The following SEMA6D variants were observed in gnomAD, a reference collection of about 807,000 sequenced individuals.
SEMA6D encodes semaphorin-6D.
In SEMA6D, 35 loss-of-function variants were observed where a neutral mutation model predicts 106.6. The ratio of observed to expected loss-of-function variants is 0.33; its 90% CI spans 0.25 to 0.44. The LOEUF (loss-of-function observed/expected upper bound fraction) is 0.44. SEMA6D is among the 20% of genes least tolerant of loss of function. The pLI is 1.00. For missense variants in SEMA6D, 1,185 were observed against 1,345.9 expected (o/e 0.88, Z 1.87); for synonymous variants, 499 against 487.7 (o/e 1.02, Z -0.31).
At chr15:47,675,334 C>G (rs2078221240) in intron 4 of SEMA6D, among the ~76,000 whole-genome samples, 1 of 152,090 alleles carries the variant, frequency 6.6e-6, no homozygotes, top group Non-Finnish European at 1.5e-5. Flanking sequence ...TAAAATGAGG[C>G]AATTAGGGTG....
At chr15:47,757,511 C>G (rs1312120703) in intron 1 of SEMA6D, among the ~76,000 whole-genome samples, 2 of 152,164 alleles carry the variant, frequency 1.3e-5, no homozygotes, top group East Asian at 3.9e-4. Context: ...AAGAGGTAAA[C>G]ACGAAACCAT....
chr15:47,312,253 T>A (rs2036480782), intron 1 of SEMA6D, among the ~76,000 whole-genome samples: 1 of 152,138 alleles, frequency 6.6e-6, no homozygotes, highest in South Asian at 2.1e-4. Context: ...TCTCTTCCTG[T>A]CTCCATCATG....
chr15:47,346,000 A>G (rs1267740415), intron 1 of SEMA6D, among the ~76,000 whole-genome samples: 1 of 152,160 alleles, frequency 6.6e-6, no homozygotes, highest in African/African-American at 2.4e-5. Flanking sequence ...AACAGCTATT[A>G]AAATATTAAA....
At chr15:47,311,219 C>G (rs1234240146) in intron 1 of SEMA6D, among the ~76,000 whole-genome samples, 3 of 152,192 alleles carry the variant, frequency 2.0e-5, no homozygotes, top group South Asian at 4.1e-4. Context: ...GCATTATATG[C>G]TCTCTTCCAT....
Position 47,514,204 on chromosome 15 carries a change from G to GT in SEMA6D, c.-87+43665dup, listed in dbSNP as rs376456489. Among the ~76,000 whole-genome samples, 1,367 of 152,322 alleles carry GT rather than the reference G, an allele frequency of 9.0e-3. 20 individuals are homozygous for GT. The highest frequency in any genetic ancestry group is 0.031 in the African/African-American group (1,305 of 41,568). ...AATTCCCTTTCAAGTCTTCCTCTAT[G>GT]TTTTTTCCTGGGGGCAAGAGACTCT... is the stretch of plus-strand genomic sequence containing the variant. On this transcript the variant is annotated intron_variant, in intron 3 of 19. Coordinates refer to the SEMA6D transcript ENST00000558014.
chr15:47,676,123 A>G (rs958574230), intron 4 of SEMA6D, among the ~76,000 whole-genome samples: 2 of 152,176 alleles, frequency 1.3e-5, no homozygotes, highest in African/African-American at 4.8e-5. Context: ...CGGCATTGGT[A>G]GTGGCTAATC....
intron 1 of SEMA6D, among the ~76,000 whole-genome samples, chr15:47,187,172 A>G (rs1314834878): frequency 6.6e-6 from 1 of 152,132 alleles, no homozygotes; most frequent in African/African-American, 2.4e-5. Flanking sequence ...AAATGTTATT[A>G]TTTTCTGTAT....
At chr15:47,618,829 A>G (rs2077050842) in intron 4 of SEMA6D, among the ~76,000 whole-genome samples, 1 of 152,236 alleles carries the variant, frequency 6.6e-6, no homozygotes, top group Non-Finnish European at 1.5e-5. Flanking sequence ...TCTATACAGT[A>G]GGGCTATAAT....
intron 4 of SEMA6D, among the ~76,000 whole-genome samples, chr15:47,625,553 C>T (rs1431711852): frequency 6.6e-6 from 1 of 151,734 alleles, no homozygotes; most frequent in East Asian, 1.9e-4. Context: ...GGTGAAACCC[C>T]GTCTCTACAA....
At chr15:47,458,632 A>G (rs1370777323) in intron 2 of SEMA6D, among the ~76,000 whole-genome samples, 1 of 152,068 alleles carries the variant, frequency 6.6e-6, no homozygotes, top group Admixed American at 6.6e-5. Flanking sequence ...GAAGAAATCA[A>G]AAGGGAAATC....
At chr15:47,744,979 C>CT (rs2081043204) in intron 1 of SEMA6D, among the ~76,000 whole-genome samples, 2 of 152,182 alleles carry the variant, frequency 1.3e-5, no homozygotes, top group African/African-American at 4.8e-5. Flanking sequence ...TTGGCTTTCT[C>CT]ATGGTCTGTC....
chr15:47,519,695 G>A (rs2044507915), intron 3 of SEMA6D, among the ~76,000 whole-genome samples: 1 of 152,170 alleles, frequency 6.6e-6, no homozygotes. Flanking sequence ...CACTGTAGTT[G>A]CTGTTTGGTT....
intron 1 of SEMA6D, among the ~76,000 whole-genome samples, chr15:47,314,207 AT>A (rs1350387805): frequency 4.3e-4 from 65 of 152,196 alleles, no homozygotes; most frequent in African/African-American, 1.5e-3. Context: ...TTCTTTTCAT[AT>A]GATTATTTGC....
chr15:47,460,279 C>CT (rs751219018), intron 2 of SEMA6D, among the ~76,000 whole-genome samples: 49 of 152,156 alleles, frequency 3.2e-4, no homozygotes, highest in Admixed American at 6.5e-4. Context: ...TCAGAAATTA[C>CT]TTTTTGTCTC....
At chr15:47,489,701 G>T (rs1266927816) in intron 3 of SEMA6D, among the ~76,000 whole-genome samples, 1 of 151,940 alleles carries the variant, frequency 6.6e-6, no homozygotes, top group African/African-American at 2.4e-5. Flanking sequence ...GCCCAGGCTG[G>T]AGTGCAGTGG....
chr15:47,568,961 G>A (rs2046306055), intron 3 of SEMA6D, among the ~76,000 whole-genome samples: 1 of 152,040 alleles, frequency 6.6e-6, no homozygotes, highest in Non-Finnish European at 1.5e-5. Flanking sequence ...TTTTCAAACT[G>A]TGCTCTATGG....
At chr15:47,260,508 C>G (rs936981204) in intron 1 of SEMA6D, among the ~76,000 whole-genome samples, 2 of 152,084 alleles carry the variant, frequency 1.3e-5, no homozygotes, top group Admixed American at 1.3e-4. Flanking sequence ...GGTAGAAGTT[C>G]TTTCCCCACC....
At chr15:47,625,424 G>C (rs972764232) in intron 4 of SEMA6D, among the ~76,000 whole-genome samples, 1 of 152,126 alleles carries the variant, frequency 6.6e-6, no homozygotes, top group Non-Finnish European at 1.5e-5. Context: ...ATCTTTATCA[G>C]TAAAATGCCT....
At chr15:47,557,257 C>G (rs1240829321) in intron 3 of SEMA6D, among the ~76,000 whole-genome samples, 1 of 152,060 alleles carries the variant, frequency 6.6e-6, no homozygotes, top group African/African-American at 2.4e-5. Flanking sequence ...AGCAGGCACT[C>G]TATCACTGCA....
Sources: gnomAD v4.1 joint callset for allele counts (sites outside exome capture counted in the v4.1 genomes callset) on GRCh38, gnomAD v4.1.1 for gene constraint, MANE v1.5 for transcripts, NCBI Gene and HGNC (gene_info 2026-07-23, HGNC 2026-07-21) for gene names.